Variants in SYT10 observed in about 807,000 individuals in gnomAD.
The protein encoded by SYT10 is synaptotagmin 10.
Under a neutral mutation model 51.1 loss-of-function variants are expected in SYT10, and 31 were observed. The observed-to-expected ratio is 0.61, with a 90% CI of 0.46 to 0.82. The LOEUF (loss-of-function observed/expected upper bound fraction) is 0.82, where lower values mean the gene tolerates loss of function less well. Ranked by LOEUF, SYT10 falls within the 40% of genes least tolerant of loss-of-function variation. The pLI, the probability that SYT10 is intolerant of heterozygous loss-of-function variation, is 0.00. For missense variants in SYT10, 603 were observed against 634.0 expected (o/e 0.95, Z 0.53); for synonymous variants, 233 against 225.9 (o/e 1.03, Z -0.28).
chr12:33,406,902 C>G lies in SYT10; in HGVS notation c.964G>C (p.Asp322His). 1 of 1,614,024 alleles carries G rather than the reference C, an allele frequency of 6.2e-7. No homozygotes were observed. Among genetic ancestry groups the G allele is most frequent in the South Asian group, 1.1e-5 (1 of 91,068 alleles). Reference protein sequence around the residue: ...RKLHFSVYDFDRFSRHDMIGE... With the variant: ...RKLHFSVYDFHRFSRHDMIGE... ...ATCATGTCATGTCTAGAAAATCTGT[C>G]AAAATCATACACACTGAAATGTAGT... The change falls in exon 3 of 7, where the codon GAC becomes CAC. Residue 322 changes from aspartate to histidine, a missense_variant. By Grantham distance (81) the Asp-to-His change is moderately conservative (BLOSUM62 -1). Transcript: ENST00000228567.
rs779410991 is a variant in SYT10, at chr12:33,439,514, G to A, written c.9C>T (p.Phe3=). ...GACTGTTCACTCCGTCCTCCTTGTGGAAACTCATCGTTTGGCTTTTCTTTC... is the reference window on the plus strand; with the variant it reads ...GACTGTTCACTCCGTCCTCCTTGTGAAAACTCATCGTTTGGCTTTTCTTTC... The part of the protein sequence containing the change: MS[F]HKEDGVNSLC... Residue 3 remains phenylalanine (F), a synonymous_variant, in exon 1 of 7, where the codon TTC becomes TTT. Coordinates refer to ENST00000228567, the MANE Select transcript of SYT10 (RefSeq NM_198992.4). 5.0e-6 allele frequency: 8 copies of A among 1,611,988 alleles called. No homozygotes were observed. The South Asian group carries it at 7.7e-5, about 16-fold the overall frequency.
intron 1 of SYT10, among the ~76,000 whole-genome samples, chr12:33,433,943 G>T (rs1341101867): frequency 6.6e-6 from 1 of 152,090 alleles, no homozygotes; most frequent in East Asian, 1.9e-4. Flanking sequence ...TCACTAACTA[G>T]TGATGATTTG....
At position 33,439,674 on chromosome 12, in the gene SYT10, G is replaced by C; in HGVS notation, c.-152C>G. The stretch of plus-strand genomic sequence containing the variant: ...CGCTGAGAGCCGGCAACTCTTAGGA[G>C]CCCCACGTTGGCCCCATGGCGGGAG... On this transcript the variant is annotated 5_prime_UTR_variant, in exon 1 of 7. Transcript: ENST00000228567. 1 of 922,366 alleles carries C rather than the reference G, an allele frequency of 1.1e-6. No individual in the cohort carries two copies. Among genetic ancestry groups the C allele is most frequent in the South Asian group, 1.8e-5 (1 of 56,900 alleles). 57.1% of individuals were successfully genotyped at this position (922,366 alleles called of 1,614,324 possible).
chr12:33,390,481 C>G (rs1866194641), intron 3 of SYT10, among the ~76,000 whole-genome samples: 1 of 152,196 alleles, frequency 6.6e-6, no homozygotes, highest in African/African-American at 2.4e-5. Context: ...ACACATGTGG[C>G]CCCTACTAAT....
intron 2 of SYT10, among the ~76,000 whole-genome samples, chr12:33,420,352 G>C (rs1050101642): frequency 6.6e-6 from 1 of 152,086 alleles, no homozygotes. Flanking sequence ...TAAGATTCCT[G>C]TGACTAATAA....
chr12:33,433,377 T>C (rs1001040661), intron 1 of SYT10, among the ~76,000 whole-genome samples: 27 of 152,174 alleles, frequency 1.8e-4, no homozygotes, highest in Non-Finnish European at 4.0e-4. Flanking sequence ...GACCAAAATA[T>C]GGTAGGAAAA....
chr12:33,407,999 C>T (rs1424462916), intron 2 of SYT10: 1 of 152,040 alleles, frequency 6.6e-6, no homozygotes, highest in Non-Finnish European at 1.5e-5. Context: ...ACATGATTAG[C>T]AAAAAAATTC....
rs76813854 is a variant in SYT10 at position 33,388,066 on chromosome 12, G to A, written c.1078-2775C>T. On this transcript the variant is annotated intron_variant, in intron 3 of 6. Transcript: ENST00000228567. ...CAATGTGGAGATGGGGAAATTAATA[G>A]CAGTAAGTTTAGTGAAGACAGCAAG... Among the ~76,000 whole-genome samples, 1,382 of 152,086 alleles carry A rather than the reference G, an allele frequency of 9.1e-3. 73 individuals are homozygous for A. In the East Asian group the frequency reaches 0.13, roughly 15 times the overall value.
In SYT10 at chr12:33,439,376, G is replaced by A; in HGVS notation, c.147C>T (p.Ser49=). 1 of 1,613,060 alleles carries A rather than the reference G, an allele frequency of 6.2e-7. No individual in the cohort carries two copies. The highest frequency in any genetic ancestry group is 2.2e-5 in the East Asian group (1 of 44,822). ...GAGCGGAGCCCTCCCGGTTACCTGT[G>A]CTGCTTCCGCCCTGGCTGCCCCTGT... The part of the protein sequence containing the change: ...PRDRGSQGGS[S]TDISVSLLAV... The change falls in exon 1 of 7, where the codon AGC becomes AGT. Residue 49 remains serine, a synonymous_variant. Transcript: ENST00000228567.
chr12:33,416,377 C>G (rs1230097613), intron 2 of SYT10, among the ~76,000 whole-genome samples: 1 of 152,142 alleles, frequency 6.6e-6, no homozygotes, highest in African/African-American at 2.4e-5. Context: ...GCCACCACGC[C>G]CGGCCCACAC....
Position 33,374,571 on chromosome 12 carries a change from C to G in SYT10, c.*2259G>C, listed in dbSNP as rs533099301. On this transcript the variant is annotated 3_prime_UTR_variant, in exon 7 of 7. Transcript: ENST00000228567. ...TTTTTAACAATCATGCCTTATTAAT[C>G]TGAGCATAAACCTACCTCCTGAATT... 33 of 151,906 alleles carry G rather than the reference C, an allele frequency of 2.2e-4. No individual in the cohort carries two copies. Among genetic ancestry groups the G allele is most frequent in the Admixed American group, 5.9e-4 (9 of 15,240 alleles). The allele number at this position is 151,906 out of a possible 1,614,324, so 9.4% of individuals were successfully genotyped here.
intron 2 of SYT10, among the ~76,000 whole-genome samples, chr12:33,417,657 G>A (rs879642574): frequency 6.6e-6 from 1 of 152,220 alleles, no homozygotes; most frequent in African/African-American, 2.4e-5. Context: ...TGAATTTCAA[G>A]TGGATCCATG....
chr12:33,380,166 G>A (rs141996841), intron 5 of SYT10, among the ~76,000 whole-genome samples: 115 of 152,172 alleles, frequency 7.6e-4, no homozygotes, highest in Middle Eastern at 3.4e-3. Flanking sequence ...ATGTGTATAA[G>A]AGGCACACAC....
At chr12:33,400,150 G>A (rs571855621) in intron 3 of SYT10, among the ~76,000 whole-genome samples, 2 of 152,226 alleles carry the variant, frequency 1.3e-5, no homozygotes, top group South Asian at 4.1e-4. Flanking sequence ...TCTTTAAAAT[G>A]TTATTAGCTG....
At chr12:33,383,488 G>A (rs1866133051) in intron 4 of SYT10, among the ~76,000 whole-genome samples, 1 of 152,122 alleles carries the variant, frequency 6.6e-6, no homozygotes, top group Admixed American at 6.6e-5. Flanking sequence ...AAGAAGCAAG[G>A]TATTCGTGGC....
intron 3 of SYT10, among the ~76,000 whole-genome samples, chr12:33,397,538 A>G (rs1404701583): frequency 6.6e-6 from 1 of 152,162 alleles, no homozygotes; most frequent in African/African-American, 2.4e-5. Flanking sequence ...GTCTTGCCTC[A>G]GGACAGAAAG....
intron 3 of SYT10, among the ~76,000 whole-genome samples, chr12:33,386,982 A>G (rs1331564411): frequency 6.6e-6 from 1 of 152,220 alleles, no homozygotes; most frequent in Non-Finnish European, 1.5e-5. Context: ...GAATGTGGAC[A>G]ATGGACAATT....
At chr12:33,384,094 T>C (rs1449756194) in intron 4 of SYT10, among the ~76,000 whole-genome samples, 2 of 152,144 alleles carry the variant, frequency 1.3e-5, no homozygotes, top group Non-Finnish European at 1.5e-5. Context: ...AGCTCAAAAA[T>C]CCATGATAGA....
chr12:33,382,063 TGTTACTA>T (rs1866119822), intron 5 of SYT10, among the ~76,000 whole-genome samples: 3 of 152,182 alleles, frequency 2.0e-5, no homozygotes, highest in African/African-American at 7.2e-5. Context: ...TAATCTCTGT[TGTTACTA>T]TAAAAAGACT....
Sources: allele counts gnomAD v4.1 joint callset (sites outside exome capture counted in the v4.1 genomes callset), GRCh38; gene constraint gnomAD v4.1.1; transcripts MANE v1.5; gene names NCBI Gene and HGNC (gene_info 2026-07-23, HGNC 2026-07-21).